Variants in GON4L observed in about 807,000 individuals in gnomAD.
The protein encoded by GON4L is gon-4 like, also known as GON-4-like protein.
A neutral mutation model predicts 211.8 loss-of-function variants in GON4L; 87 were observed. The ratio of observed to expected loss-of-function variants is 0.41; its 90% CI spans 0.35 to 0.49. GON4L has a LOEUF of 0.49. Among genes scored for constraint, GON4L ranks in the 20% least tolerant of loss-of-function variants. The pLI is 0.15. For synonymous variants in GON4L, 875 were observed against 962.6 expected (o/e 0.91, Z 1.68); for missense variants, 2,155 against 2,659.5 (o/e 0.81, Z 4.17).
At chr1:155,790,336 G>T (rs975872986) in intron 12 of GON4L, among the ~76,000 whole-genome samples, 2 of 151,920 alleles carry the variant, frequency 1.3e-5, no homozygotes, top group Non-Finnish European at 2.9e-5. Context: ...CTGACCTCGT[G>T]ATCTGCCCAC....
chr1:155,789,931 TA>T (rs1389822263), intron 12 of GON4L, among the ~76,000 whole-genome samples: 3 of 152,098 alleles, frequency 2.0e-5, no homozygotes, highest in Non-Finnish European at 4.4e-5. Context: ...TATACCTTAT[TA>T]TTTTTTATTT....
intron 2 of GON4L, among the ~76,000 whole-genome samples, chr1:155,838,319 T>C (rs1670490181): frequency 6.6e-6 from 1 of 152,186 alleles, no homozygotes; most frequent in Admixed American, 6.5e-5. Flanking sequence ...ATTGTATAAA[T>C]AAGACGAATT....
In GON4L at chr1:155,797,008, C is replaced by A. The variant is rs112153905; in HGVS notation, c.1646-1857G>T. ...ATGATTCTTTTTGTGGAAAAAAATT[C>A]TTGTTTGAGATAAATACATGCTTGA... On this transcript the variant is annotated intron_variant, in intron 11 of 31. Coordinates refer to ENST00000368331, the MANE Select transcript of GON4L (RefSeq NM_001282860.2). 8.2e-3 allele frequency among the ~76,000 whole-genome samples: 1,255 copies of A among 152,196 alleles called. 22 individuals are homozygous for A. The highest frequency in any genetic ancestry group is 0.029 in the African/African-American group (1,199 of 41,526).
At chr1:155,788,041 G>A (rs901947430) in intron 12 of GON4L, among the ~76,000 whole-genome samples, 4 of 152,052 alleles carry the variant, frequency 2.6e-5, no homozygotes, top group Admixed American at 6.6e-5. Context: ...GCCCAGGCTG[G>A]AGCGCGGTGG....
intron 12 of GON4L, among the ~76,000 whole-genome samples, chr1:155,791,258 G>A (rs1665522414): frequency 2.0e-5 from 3 of 151,600 alleles, no homozygotes; most frequent in Non-Finnish European, 1.5e-5. Flanking sequence ...GTGAGACTTC[G>A]TCTCAAAAAA....
At chr1:155,771,019 G>A in intron 19 of GON4L, 48 bp downstream of exon 19, 3 of 1,611,254 alleles carry the variant, frequency 1.9e-6, no homozygotes, top group Non-Finnish European at 1.7e-6. Context: ...TAAAAGAATG[G>A]GTACATATTG....
At position 155,810,874 on chromosome 1, in the gene GON4L, C is replaced by A. The variant is rs372784631; in HGVS notation, c.1452+2760G>T. Among the ~76,000 whole-genome samples the A allele has an allele frequency of 1.6e-3, 237 of 151,342 alleles. 2 individuals carry two copies. The highest frequency in any genetic ancestry group is 4.9e-3 in the African/African-American group (202 of 41,206). On this transcript the variant is annotated intron_variant, in intron 10 of 31. Transcript: ENST00000368331. Reference sequence around the variant, plus strand: ...CTAAAAAATACAAAAAATTAGCTGGCGTAGTGGTGTGTGCCTCTGGTCCCA... The same window carrying A: ...CTAAAAAATACAAAAAATTAGCTGGAGTAGTGGTGTGTGCCTCTGGTCCCA...
At position 155,849,619 on chromosome 1, in the gene GON4L, C is replaced by T. The variant is rs560678202; in HGVS notation, c.505+3657G>A. Reference sequence around the variant, plus strand: ...TGAAACCCCGTCTCTACTAAAAATACAAAAATTAGCCGGGTGTGGTGGTGG... The same window carrying T: ...TGAAACCCCGTCTCTACTAAAAATATAAAAATTAGCCGGGTGTGGTGGTGG... On this transcript the variant is annotated intron_variant, in intron 2 of 31. Transcript: ENST00000368331. 2.0e-3 allele frequency among the ~76,000 whole-genome samples: 280 copies of T among 137,470 alleles called. 2 individuals carry two copies. Among genetic ancestry groups the T allele is most frequent in the Middle Eastern group, 4.2e-3 (1 of 236 alleles). The allele number at this position is 137,470 out of a possible 152,430, so 90.2% of individuals were successfully genotyped here. A position where few individuals can be genotyped will look rare whatever the true frequency, so the allele number is the denominator to read the frequency against.
chr1:155,813,039 TGTG>T (rs1667932773), intron 10 of GON4L, among the ~76,000 whole-genome samples: 1 of 152,146 alleles, frequency 6.6e-6, no homozygotes, highest in East Asian at 1.9e-4. Flanking sequence ...ATCAAGCAAT[TGTG>T]GTAAAAGGTT....
downstream of GON4L, chr1:155,746,843 C>A (rs767901449): frequency 3.8e-6 from 6 of 1,589,742 alleles, no homozygotes; most frequent in Non-Finnish European, 4.3e-6. Flanking sequence ...CCCAAGAACC[C>A]TTATCTCCAA....
In GON4L at chr1:155,853,758, C is replaced by A. The variant is rs751165748; in HGVS notation, c.23G>T (p.Arg8Ile). The A allele has an allele frequency of 1.9e-6, 3 of 1,613,040 alleles. No homozygotes were observed. Among genetic ancestry groups the A allele is most frequent in the Non-Finnish European group, 2.5e-6 (3 of 1,179,574 alleles). The change falls in exon 2 of 32, where the codon AGA (arginine) becomes ATA (isoleucine). Residue 8 changes from arginine (R) to isoleucine (I), a missense_variant. Arg to Ile is a moderately conservative substitution (Grantham distance 97, BLOSUM62 -3). Transcript: ENST00000368331. Reference protein sequence around the residue: MLPCKKRRTTVTESLQHK... With the variant: MLPCKKRITTVTESLQHK... Reference sequence around the variant, plus strand: ...CTGTAGGGACTCTGTCACTGTAGTTCTTCTCTTCTTACAGGGCAACATTTT... The same window carrying A: ...CTGTAGGGACTCTGTCACTGTAGTTATTCTCTTCTTACAGGGCAACATTTT...
chr1:155,812,849 G>A (rs985792511), intron 10 of GON4L, among the ~76,000 whole-genome samples: 3 of 152,036 alleles, frequency 2.0e-5, no homozygotes, highest in Non-Finnish European at 4.4e-5. Context: ...GAGCCACAGC[G>A]CACAGCCTGT....
chr1:155,748,946 T>G (rs1206219088), downstream of GON4L, among the ~76,000 whole-genome samples: 2 of 152,202 alleles, frequency 1.3e-5, no homozygotes, highest in African/African-American at 2.4e-5. Context: ...GATGGCCTGA[T>G]AACATAAAAA....
chr1:155,787,601 C>T lies in GON4L; in HGVS notation c.1748-2227G>A, dbSNP rs564807964. 2.0e-4 allele frequency among the ~76,000 whole-genome samples: 30 copies of T among 152,146 alleles called. No individual in the cohort carries two copies. In the South Asian group the frequency reaches 2.5e-3, roughly 13 times the overall value. ...CAGTCTGACCAACATGGTGAAACCC[C>T]GTCTCTACTAAAAATACAAAAATTA... is the stretch of plus-strand genomic sequence containing the variant. On this transcript the variant is annotated intron_variant, in intron 12 of 31. Transcript: ENST00000368331.
At chr1:155,850,103 T>G (rs1671644326) in intron 2 of GON4L, among the ~76,000 whole-genome samples, 1 of 151,952 alleles carries the variant, frequency 6.6e-6, no homozygotes, top group Non-Finnish European at 1.5e-5. Context: ...AGACTGAGGC[T>G]TAAGCACTTG....
downstream of GON4L, chr1:155,745,814 G>C (rs756522871): frequency 2.0e-5 from 12 of 608,932 alleles, no homozygotes; most frequent in Non-Finnish European, 3.0e-5. Flanking sequence ...CGGCGGCCCC[G>C]TGGAGCAGCG....
At chr1:155,836,585 C>T (rs1256559167) in intron 2 of GON4L, among the ~76,000 whole-genome samples, 2 of 152,144 alleles carry the variant, frequency 1.3e-5, no homozygotes, top group African/African-American at 4.8e-5. Flanking sequence ...TTCTCTTTCA[C>T]TCTCCTCTCC....
chr1:155,819,532 AGGCATGAGCCACCAAGC>A, intron 6 of GON4L, among the ~76,000 whole-genome samples: 3 of 152,122 alleles, frequency 2.0e-5, no homozygotes, highest in Non-Finnish European at 4.4e-5. Context: ...CTGGGATTAC[AGGCATGAGCCACCAAGC>A]CCAGCCTAGA....
rs1310506377 is a variant in GON4L at position 155,749,970 on chromosome 1, C to G, written c.*614G>C. On this transcript the variant is annotated 3_prime_UTR_variant, in exon 32 of 32. Coordinates refer to ENST00000368331, the MANE Select transcript of GON4L (RefSeq NM_001282860.2). Reference sequence around the variant, plus strand: ...TGGGGCACTGTGTTCCTCTTCGTCCCTGCACCAGACCCTGGAAGCCTTGGC... The same window carrying G: ...TGGGGCACTGTGTTCCTCTTCGTCCGTGCACCAGACCCTGGAAGCCTTGGC... The G allele has an allele frequency of 1.2e-5, 17 of 1,465,192 alleles. No individual in the cohort carries two copies. In the East Asian group the frequency reaches 2.8e-4, roughly 24 times the overall value. 90.8% of individuals were successfully genotyped at this position (1,465,192 alleles called of 1,614,324 possible). A position where few individuals can be genotyped will look rare whatever the true frequency, so the allele number is the denominator to read the frequency against.
Sources: gnomAD v4.1 joint callset for allele counts (sites outside exome capture counted in the v4.1 genomes callset) on GRCh38, gnomAD v4.1.1 for gene constraint, MANE v1.5 for transcripts, NCBI Gene and HGNC (gene_info 2026-07-23, HGNC 2026-07-21) for gene names.